Variants in RC3H1 observed in about 807,000 individuals in gnomAD.
The protein encoded by RC3H1 is ring finger and CCCH-type domains 1, also known as roquin-1.
In RC3H1, 50 loss-of-function variants were observed where a neutral mutation model predicts 138.2. The observed-to-expected ratio is 0.36, with a 90% CI of 0.29 to 0.46. The LOEUF (loss-of-function observed/expected upper bound fraction) is 0.46. Among genes scored for constraint, RC3H1 ranks in the 20% least tolerant of loss-of-function variants. The probability of loss-of-function intolerance (pLI) is 1.00; values close to 1 mark genes in which losing one functional copy is unlikely to be tolerated. For missense variants in RC3H1, 1,031 were observed against 1,388.1 expected (o/e 0.74, Z 4.09); for synonymous variants, 462 against 489.1 (o/e 0.94, Z 0.73).
At chr1:173,985,163 A>C (rs749186468) in intron 2 of RC3H1, among the ~76,000 whole-genome samples, 14 of 152,232 alleles carry the variant, frequency 9.2e-5, no homozygotes, top group Non-Finnish European at 1.8e-4. Context: ...TCACTGAATA[A>C]AATTCCATTG....
intron 14 of RC3H1, among the ~76,000 whole-genome samples, chr1:173,951,211 G>C (rs1018295692): frequency 2.0e-5 from 3 of 152,082 alleles, no homozygotes; most frequent in Non-Finnish European, 4.4e-5. Flanking sequence ...TCTAATCCCA[G>C]CTACTCGGGA....
Position 173,975,712 on chromosome 1 carries a change from C to CA in RC3H1, c.1102+2775dup, listed in dbSNP as rs1352217172. Reference sequence around the variant, plus strand: ...AGGAGATCGAGACCATCCTGGCTAACAAGGTGAAACCCCGTCTCTACTAAA... The same window carrying CA: ...AGGAGATCGAGACCATCCTGGCTAACAAAGGTGAAACCCCGTCTCTACTAAA... On this transcript the variant is annotated intron_variant, in intron 7 of 19. Transcript: ENST00000367696. 7.5e-5 allele frequency among the ~76,000 whole-genome samples: 5 copies of CA among 66,616 alleles called. 1 individual carries two copies. The highest frequency in any genetic ancestry group is 1.2e-4 in the Non-Finnish European group (5 of 42,052). 43.7% of individuals were successfully genotyped at this position (66,616 alleles called of 152,430 possible).
At position 173,943,608 on chromosome 1, in the gene RC3H1, C is replaced by T; in HGVS notation, c.2969G>A (p.Ser990Asn). Residue 990 changes from serine to asparagine, a missense_variant, in exon 18 of 20, where the codon AGT becomes AAT. Ser to Asn is a conservative substitution (Grantham distance 46). This residue lies in a region of RC3H1 where 716 missense variants were observed against 837.9 expected (regional missense o/e 0.85). Transcript: ENST00000367696. The stretch of plus-strand genomic sequence containing the variant: ...CTCCCTCTGCAACACCAGCCTGTTA[C>T]TAACAGCCTAGTGCATAAAGCCAAG... The part of the protein sequence containing the change: ...QTQLRGLEAV[S>N]NRLVLQREAN... 1 of 1,611,992 alleles carries T rather than the reference C, an allele frequency of 6.2e-7. No homozygotes were observed. The highest frequency in any genetic ancestry group is 8.5e-7 in the Non-Finnish European group (1 of 1,179,122).
intron 5 of RC3H1, 63 bp downstream of exon 5, chr1:173,982,664 C>A: frequency 7.3e-7 from 1 of 1,369,502 alleles, no homozygotes; most frequent in South Asian, 1.6e-5. Flanking sequence ...CAAAGTTTTA[C>A]TACTTAACTT....
rs1658387447 is a variant in RC3H1 at position 173,931,742 on chromosome 1, A to C, written c.*6979T>G. ...TTCAAATAAGACTTCACGGTTTGCCAGATCCTAAGGAATTATTCACAGCCT... is the reference window on the plus strand; with the variant it reads ...TTCAAATAAGACTTCACGGTTTGCCCGATCCTAAGGAATTATTCACAGCCT... On this transcript the variant is annotated 3_prime_UTR_variant, in exon 20 of 20. Coordinates refer to ENST00000367696, the MANE Select transcript of RC3H1 (RefSeq NM_172071.4). 6.6e-6 allele frequency: 1 copy of C among 152,214 alleles called. No homozygotes were observed. Among genetic ancestry groups the C allele is most frequent in the South Asian group, 2.1e-4 (1 of 4,834 alleles). The allele number at this position is 152,214 out of a possible 1,614,324, so 9.4% of individuals were successfully genotyped here. A position where few individuals can be genotyped will look rare whatever the true frequency, so the allele number is the denominator to read the frequency against.
In RC3H1 at chr1:173,961,984, T is replaced by C; in HGVS notation, c.1943A>G (p.Glu648Gly). The C allele has an allele frequency of 6.2e-7, 1 of 1,614,148 alleles. No homozygotes were observed. The highest frequency in any genetic ancestry group is 8.5e-7 in the Non-Finnish European group (1 of 1,180,024). Residue 648 changes from glutamate to glycine, a missense_variant, in exon 12 of 20, where the codon GAA (glutamate) becomes GGA (glycine). This residue lies in a region of RC3H1 where 716 missense variants were observed against 837.9 expected (regional missense o/e 0.85). Transcript: ENST00000367696. ...GCCATACTGAGAGTTTACAACACGTTCTTGGAGGTAGGGTGGATAATGATC... is the reference window on the plus strand; with the variant it reads ...GCCATACTGAGAGTTTACAACACGTCCTTGGAGGTAGGGTGGATAATGATC... ...YLDHYPPYLQ[E>G]RVVNSQYGTQ...
At chr1:173,979,385 C>T (rs1286707171) in intron 6 of RC3H1, among the ~76,000 whole-genome samples, 4 of 152,306 alleles carry the variant, frequency 2.6e-5, no homozygotes, top group Admixed American at 6.5e-5. Flanking sequence ...CAGTGGCTCA[C>T]GCCTGTAATC....
At chr1:173,957,603 G>A (rs1239192841) in intron 13 of RC3H1, among the ~76,000 whole-genome samples, 3 of 152,162 alleles carry the variant, frequency 2.0e-5, no homozygotes, top group East Asian at 1.9e-4. Flanking sequence ...AGGCTGGAGT[G>A]CAGTAGCACA....
rs1313258227 is a variant in RC3H1, at chr1:173,938,691, G to A, written c.*30C>T. 1.3e-6 allele frequency: 2 copies of A among 1,549,086 alleles called. No individual in the cohort carries two copies. Among genetic ancestry groups the A allele is most frequent in the African/African-American group, 2.7e-5 (2 of 72,858 alleles). Reference sequence around the variant, plus strand: ...CCTATGCCCGACAAACTGATTAGGAGCAGAAGATAAAAGTAGGACTCCTCA... The same window carrying A: ...CCTATGCCCGACAAACTGATTAGGAACAGAAGATAAAAGTAGGACTCCTCA... On this transcript the variant is annotated 3_prime_UTR_variant, in exon 20 of 20. Coordinates refer to ENST00000367696, the MANE Select transcript of RC3H1 (RefSeq NM_172071.4).
intron 17 of RC3H1, among the ~76,000 whole-genome samples, chr1:173,944,291 T>C (rs1013957142): frequency 6.6e-6 from 1 of 152,172 alleles, no homozygotes; most frequent in Non-Finnish European, 1.5e-5. Context: ...CTTATTTCAA[T>C]GAAACCTCAG....
At chr1:173,965,866 C>CA (rs142487926) in intron 9 of RC3H1, among the ~76,000 whole-genome samples, 2,572 of 152,130 alleles carry the variant, frequency 0.017, 84 homozygotes, top group African/African-American at 0.059. Flanking sequence ...AGCAGCCAGG[C>CA]ACTGTGGCTC....
At chr1:173,988,681 T>G (rs1282397045) in intron 2 of RC3H1, among the ~76,000 whole-genome samples, 2 of 152,234 alleles carry the variant, frequency 1.3e-5, no homozygotes, top group African/African-American at 4.8e-5. Flanking sequence ...GATGAGAGTT[T>G]TTGTTGCTCC....
intron 12 of RC3H1, 128 bp downstream of exon 12, chr1:173,961,597 T>TA (rs911260653): frequency 3.3e-3 from 2,942 of 887,984 alleles, no homozygotes; most frequent in South Asian, 4.1e-3. Flanking sequence ...TGAAAAGATT[T>TA]AAAAAAAAAA....
chr1:173,961,746 C>T lies in RC3H1; in HGVS notation c.2181G>A (p.Gln727=). Reference sequence around the variant, plus strand: ...ATACTCTGAGGTACGAAGGTCTGATCTGAGTTGGATGAGGAGCCACTGGAT... The same window carrying T: ...ATACTCTGAGGTACGAAGGTCTGATTTGAGTTGGATGAGGAGCCACTGGAT... ...SYYPVAPHPT[Q]IRPSYLREPP... is the part of the protein sequence containing the mutation. Residue 727 remains glutamine (Q), a synonymous_variant, in exon 12 of 20, where the codon CAG becomes CAA. Coordinates refer to ENST00000367696, the MANE Select transcript of RC3H1 (RefSeq NM_172071.4). The T allele has an allele frequency of 1.2e-6, 2 of 1,612,258 alleles. No individual in the cohort carries two copies. The highest frequency in any genetic ancestry group is 1.7e-6 in the Non-Finnish European group (2 of 1,179,806).
chr1:173,970,984 A>G (rs1451072118), intron 8 of RC3H1, among the ~76,000 whole-genome samples: 1 of 147,958 alleles, frequency 6.8e-6, no homozygotes. Context: ...TTTTTTGAGA[A>G]GGAGTCTTAC....
intron 1 of RC3H1, chr1:174,015,795 A>G (rs964961270): frequency 2.0e-5 from 3 of 152,064 alleles, no homozygotes; most frequent in South Asian, 2.1e-4. Flanking sequence ...GATTATAGGT[A>G]TGAGTCACCG....
At chr1:174,012,218 G>A (rs1345456986) in intron 1 of RC3H1, among the ~76,000 whole-genome samples, 1 of 151,216 alleles carries the variant, frequency 6.6e-6, no homozygotes, top group Non-Finnish European at 1.5e-5. Context: ...GCAACAGAGT[G>A]AGACTCTGTC....
At chr1:173,997,415 TATTA>T (rs1661482620) in intron 1 of RC3H1, among the ~76,000 whole-genome samples, 3 of 152,200 alleles carry the variant, frequency 2.0e-5, no homozygotes, top group Admixed American at 2.0e-4. Context: ...GTCCTAATAT[TATTA>T]ATCTTCTTTT....
chr1:174,006,858 T>C (rs1661660781), intron 1 of RC3H1, among the ~76,000 whole-genome samples: 1 of 152,182 alleles, frequency 6.6e-6, no homozygotes, highest in African/African-American at 2.4e-5. Context: ...ATGAATCATA[T>C]ATCTTAAGAC....
Sources: gnomAD v4.1 joint callset for allele counts (sites outside exome capture counted in the v4.1 genomes callset) on GRCh38, gnomAD v4.1.1 for gene constraint, gnomAD v4.1.1 regional missense constraint, MANE v1.5 for transcripts, NCBI Gene and HGNC (gene_info 2026-07-23, HGNC 2026-07-21) for gene names.